Variants in LIMA1 observed in about 807,000 individuals in gnomAD.
LIMA1 encodes LIM domain and actin-binding protein 1.
In LIMA1, 52 loss-of-function variants were observed where a neutral mutation model predicts 62.6. The ratio of observed to expected loss-of-function variants is 0.83; its 90% CI spans 0.67 to 1.05. The LOEUF is 1.05. LIMA1 is among the 50% of genes least tolerant of loss of function. LIMA1 has a pLI of 0.00. For synonymous variants in LIMA1, 302 were observed against 317.8 expected (o/e 0.95, Z 0.53); for missense variants, 780 against 902.2 (o/e 0.86, Z 1.74).
At chr12:50,251,843 T>G (rs1055894471) in intron 1 of LIMA1, among the ~76,000 whole-genome samples, 6 of 152,184 alleles carry the variant, frequency 3.9e-5, no homozygotes, top group Non-Finnish European at 7.3e-5. Flanking sequence ...GGGAATGAGA[T>G]GACTCTCACC....
At chr12:50,269,686 G>A (rs1169589103) in intron 1 of LIMA1, among the ~76,000 whole-genome samples, 1 of 151,812 alleles carries the variant, frequency 6.6e-6, no homozygotes, top group East Asian at 1.9e-4. Context: ...TTGGGAGGCC[G>A]AGGCGGGAGG....
chr12:50,229,618 C>T (rs1488204724), intron 3 of LIMA1, among the ~76,000 whole-genome samples: 1 of 152,016 alleles, frequency 6.6e-6, no homozygotes, highest in East Asian at 1.9e-4. Context: ...GGGTGCAGCA[C>T]ACCAACATGG....
At chr12:50,260,147 CT>C (rs869151267) in intron 1 of LIMA1, among the ~76,000 whole-genome samples, 312 of 135,218 alleles carry the variant, frequency 2.3e-3, no homozygotes, top group Middle Eastern at 7.5e-3. Flanking sequence ...CCTAGAGTTT[CT>C]TTTTTTTTTT....
At position 50,184,548 on chromosome 12, in the gene LIMA1, A is replaced by C. The variant is rs999319727; in HGVS notation, c.1141-2511T>G. 1.6e-4 allele frequency among the ~76,000 whole-genome samples: 25 copies of C among 152,148 alleles called. 1 individual carries two copies. The highest frequency in any genetic ancestry group is 1.5e-5 in the Non-Finnish European group (1 of 68,030). On this transcript the variant is annotated intron_variant, in intron 9 of 10. Coordinates refer to ENST00000341247, the MANE Select transcript of LIMA1 (RefSeq NM_016357.5). The stretch of plus-strand genomic sequence containing the variant: ...TTCCAGCTACCAGAGAGGCTGAGGC[A>C]CAAGAATCACTTGAACCCAGGAAGC...
chr12:50,263,321 A>G (rs1045288692), intron 1 of LIMA1, among the ~76,000 whole-genome samples: 2 of 152,184 alleles, frequency 1.3e-5, no homozygotes, highest in Non-Finnish European at 2.9e-5. Flanking sequence ...ATCTGCCACT[A>G]ATTAGTGGTA....
Position 50,268,007 on chromosome 12 carries a change from C to CT in LIMA1, c.-24+15412dup, listed in dbSNP as rs572025566. Among the ~76,000 whole-genome samples the CT allele has an allele frequency of 2.8e-3, 431 of 152,090 alleles. 2 individuals carry two copies. The highest frequency in any genetic ancestry group is 9.9e-3 in the African/African-American group (409 of 41,494). Reference sequence around the variant, plus strand: ...AATTGTTTATTATCTCTACAACTTACTTTTTTTTAAATTATACAAGGACTT... The same window carrying CT: ...AATTGTTTATTATCTCTACAACTTACTTTTTTTTTAAATTATACAAGGACTT... On this transcript the variant is annotated intron_variant, in intron 1 of 10. Coordinates refer to ENST00000341247, the MANE Select transcript of LIMA1 (RefSeq NM_016357.5).
chr12:50,242,034 A>C (rs1941785717), intron 2 of LIMA1, among the ~76,000 whole-genome samples: 1 of 127,516 alleles, frequency 7.8e-6, no homozygotes, highest in African/African-American at 3.0e-5. Context: ...ACTAATGCTC[A>C]GCTGTGGGGC....
intron 9 of LIMA1, chr12:50,187,400 A>G (rs1414928515): frequency 6.6e-6 from 1 of 152,198 alleles, no homozygotes; most frequent in Non-Finnish European, 1.5e-5. Flanking sequence ...TTTGTGTAAA[A>G]TATCTAGGTA....
At chr12:50,234,225 T>C (rs767932893) in intron 2 of LIMA1, 3 of 420,184 alleles carry the variant, frequency 7.1e-6, no homozygotes, top group South Asian at 1.8e-5. Flanking sequence ...TTTTTTTTTT[T>C]TGAGACAGAG....
chr12:50,182,924 C>A (rs1940536548), intron 9 of LIMA1, among the ~76,000 whole-genome samples: 1 of 152,138 alleles, frequency 6.6e-6, no homozygotes, highest in African/African-American at 2.4e-5. Context: ...GTTACATGGG[C>A]CAGGTGCGGT....
chr12:50,213,750 G>T (rs980841130), intron 4 of LIMA1, among the ~76,000 whole-genome samples: 5 of 152,180 alleles, frequency 3.3e-5, no homozygotes, highest in African/African-American at 1.2e-4. Flanking sequence ...ATTTGTACTG[G>T]GGGGAGATGA....
intron 1 of LIMA1, among the ~76,000 whole-genome samples, chr12:50,282,634 G>C (rs758875989): frequency 6.6e-6 from 1 of 152,210 alleles, no homozygotes; most frequent in Non-Finnish European, 1.5e-5. Flanking sequence ...CAAAGTGTTG[G>C]GATTATAGGC....
At chr12:50,278,289 G>T (rs974551695) in intron 1 of LIMA1, among the ~76,000 whole-genome samples, 2 of 152,042 alleles carry the variant, frequency 1.3e-5, no homozygotes, top group Middle Eastern at 3.2e-3. Flanking sequence ...AGGTGTGGTG[G>T]CGGGCACCTG....
At chr12:50,181,597 T>G (rs981358930) in intron 10 of LIMA1, among the ~76,000 whole-genome samples, 7 of 152,184 alleles carry the variant, frequency 4.6e-5, no homozygotes, top group African/African-American at 1.7e-4. Flanking sequence ...ATTTCTTAAC[T>G]TTGTGATTCT....
intron 9 of LIMA1, among the ~76,000 whole-genome samples, chr12:50,191,020 G>T (rs535200783): frequency 5.6e-4 from 84 of 149,238 alleles, no homozygotes; most frequent in African/African-American, 1.9e-3. Flanking sequence ...TACTTGGGAG[G>T]ATGGTTTGAG....
chr12:50,198,709 T>A (rs10506291), intron 7 of LIMA1, among the ~76,000 whole-genome samples: 1 of 152,180 alleles, frequency 6.6e-6, no homozygotes. Context: ...ATCACTGTAA[T>A]AGATTTGAAA....
chr12:50,193,395 C>G (rs1940823317), intron 8 of LIMA1, among the ~76,000 whole-genome samples: 1 of 149,732 alleles, frequency 6.7e-6, no homozygotes, highest in South Asian at 2.1e-4. Context: ...TTTTCAGTGT[C>G]CAGTAAACTA....
chr12:50,199,017 T>C (rs1306655666), intron 7 of LIMA1, among the ~76,000 whole-genome samples: 2 of 152,158 alleles, frequency 1.3e-5, no homozygotes, highest in African/African-American at 2.4e-5. Context: ...GTGTACCTCA[T>C]GCTCCAGCCA....
intron 3 of LIMA1, 33 bp from the exon 4 acceptor site, chr12:50,222,518 C>T: frequency 6.2e-7 from 1 of 1,613,556 alleles, no homozygotes; most frequent in Non-Finnish European, 8.5e-7. Flanking sequence ...CCAGTTATAA[C>T]TTGCCTGCTG....
Sources: gnomAD v4.1 joint callset for allele counts (sites outside exome capture counted in the v4.1 genomes callset) on GRCh38, gnomAD v4.1.1 for gene constraint, MANE v1.5 for transcripts, NCBI Gene and HGNC (gene_info 2026-07-23, HGNC 2026-07-21) for gene names.